Variants in RASIP1 observed in about 807,000 individuals in gnomAD.
RASIP1 encodes the protein Ras interacting protein 1, also known as ras-interacting protein 1.
A neutral mutation model predicts 85.3 loss-of-function variants in RASIP1; 20 were observed. That is an observed-to-expected ratio of 0.23 (90% CI 0.17 to 0.34). The LOEUF is 0.34. Ranked by LOEUF, RASIP1 falls within the 10% of genes least tolerant of loss-of-function variation. RASIP1 has a pLI of 1.00. For missense variants in RASIP1, 1,170 were observed against 1,390.9 expected, an observed-to-expected ratio of 0.84 and a Z score of 2.53; for synonymous variants, 617 against 647.1, an observed-to-expected ratio of 0.95 and a Z score of 0.71.
In RASIP1 at chr19:48,739,536, C is replaced by G; in HGVS notation, c.247G>C (p.Gly83Arg). 6.6e-7 allele frequency: 1 copy of G among 1,515,914 alleles called. No homozygotes were observed. Among genetic ancestry groups the G allele is most frequent in the South Asian group, 1.2e-5 (1 of 82,044 alleles). 93.9% of individuals were successfully genotyped at this position (1,515,914 alleles called of 1,614,324 possible). The change falls in exon 3 of 12, where the codon GGT becomes CGT. Residue 83 changes from glycine to arginine, a missense_variant. Coordinates refer to ENST00000222145, the MANE Select transcript of RASIP1 (RefSeq NM_017805.3). This position sits in a 1 kb window ranked among gnomAD's most constrained non-coding sequence, Gnocchi z 9.2. ...GAVKAAGGAS[G>R]SRAKRISQLF... ...TGGGAGATGCGCTTGGCGCGGCTAC[C>G]GGAGGCTCCCCCGGCCGCCTTGACA...
intron 4 of RASIP1, among the ~76,000 whole-genome samples, chr19:48,731,693 C>T (rs754903528): frequency 1.3e-5 from 2 of 152,242 alleles, no homozygotes; most frequent in Non-Finnish European, 2.9e-5. Context: ...CCCCCTTCTA[C>T]ACTAAATTCT....
intron 8 of RASIP1, among the ~76,000 whole-genome samples, chr19:48,726,354 A>G (rs976055184): frequency 6.6e-6 from 1 of 152,014 alleles, no homozygotes; most frequent in Non-Finnish European, 1.5e-5. Flanking sequence ...AGCCTCTCCA[A>G]TAGCTGGGAT....
chr19:48,739,036 C>G lies in RASIP1; in HGVS notation c.747G>C (p.Ala249=), dbSNP rs1267818363. 1.6e-6 allele frequency: 2 copies of G among 1,247,954 alleles called. No individual in the cohort carries two copies. Among genetic ancestry groups the G allele is most frequent in the African/African-American group, 3.1e-5 (2 of 63,616 alleles). 77.3% of individuals were successfully genotyped at this position (1,247,954 alleles called of 1,614,324 possible). A position where few individuals can be genotyped will look rare whatever the true frequency, so the allele number is the denominator to read the frequency against. The change falls in exon 3 of 12, where the codon GCG becomes GCC. Residue 249 remains alanine, a synonymous_variant. Transcript: ENST00000222145. The surrounding 1 kb of genome is among the most constrained non-coding windows in gnomAD (Gnocchi z 9.2). ...QELWRARPGW[A]RRFELRGREE... is the part of the protein sequence containing the mutation. ...CGCGGCCGCGCAACTCGAAGCGCCGCGCCCAGCCGGGCCGCGCCCGCCACA... is the reference window on the plus strand; with the variant it reads ...CGCGGCCGCGCAACTCGAAGCGCCGGGCCCAGCCGGGCCGCGCCCGCCACA...
intron 4 of RASIP1, among the ~76,000 whole-genome samples, chr19:48,732,545 C>T (rs1428152243): frequency 1.3e-5 from 2 of 152,044 alleles, no homozygotes; most frequent in African/African-American, 4.8e-5. Context: ...TGAGCCACCG[C>T]GCCCAGCCTG....
At position 48,739,550 on chromosome 19, in the gene RASIP1, G is replaced by A; in HGVS notation, c.233C>T (p.Ala78Val). 4 of 1,514,716 alleles carry A rather than the reference G, an allele frequency of 2.6e-6. No homozygotes were observed. The highest frequency in any genetic ancestry group is 3.5e-6 in the Non-Finnish European group (4 of 1,136,032). The allele number at this position is 1,514,716 out of a possible 1,614,324, so 93.8% of individuals were successfully genotyped here. The stretch of plus-strand genomic sequence containing the variant: ...GGCGCGGCTACCGGAGGCTCCCCCG[G>A]CCGCCTTGACAGCGCCCACTCGCCG... ...ELRRVGAVKA[A>V]GGASGSRAKR... The change falls in exon 3 of 12, where the codon GCC becomes GTC. Residue 78 changes from alanine (A) to valine (V), a missense_variant. Coordinates refer to ENST00000222145, the MANE Select transcript of RASIP1 (RefSeq NM_017805.3). This position sits in a 1 kb window ranked among gnomAD's most constrained non-coding sequence, Gnocchi z 9.2.
intron 3 of RASIP1, among the ~76,000 whole-genome samples, chr19:48,737,125 C>T (rs1024656970): frequency 6.6e-5 from 10 of 152,126 alleles, no homozygotes; most frequent in African/African-American, 2.2e-4. Context: ...GAGGGGGTGG[C>T]GGAGACAATG....
intron 4 of RASIP1, 50 bp downstream of exon 4, chr19:48,735,146 A>C: frequency 6.7e-7 from 1 of 1,496,344 alleles, no homozygotes; most frequent in Non-Finnish European, 9.0e-7. Flanking sequence ...CTCACCCACC[A>C]ACAGATGGGG....
intron 10 of RASIP1, among the ~76,000 whole-genome samples, chr19:48,723,453 A>G (rs1189395250): frequency 6.6e-6 from 1 of 151,026 alleles, no homozygotes; most frequent in East Asian, 2.0e-4. Context: ...CCGGCTACTC[A>G]GGAGGCTGTG....
chr19:48,732,057 T>C (rs1050388159), intron 4 of RASIP1, among the ~76,000 whole-genome samples: 8 of 145,426 alleles, frequency 5.5e-5, no homozygotes, highest in African/African-American at 1.7e-4. Flanking sequence ...CCTTTTTTTT[T>C]TAATCTCTTT....
chr19:48,739,156 G>C lies in RASIP1; in HGVS notation c.627C>G (p.Gly209=). 1 of 1,442,924 alleles carries C rather than the reference G, an allele frequency of 6.9e-7. No individual in the cohort carries two copies. Among genetic ancestry groups the C allele is most frequent in the South Asian group, 1.4e-5 (1 of 73,630 alleles). 89.4% of individuals were successfully genotyped at this position (1,442,924 alleles called of 1,614,324 possible). A position where few individuals can be genotyped will look rare whatever the true frequency, so the allele number is the denominator to read the frequency against. ...TTCCCACGCCCGCCGCCGCGGGCCG[G>C]CCCAGAGCGTCGCACAAAGCGAAGG... The part of the protein sequence containing the change: ...VDAFALCDAL[G]RPAAAGVGSG... The change falls in exon 3 of 12, where the codon GGC becomes GGG. Residue 209 remains glycine, a synonymous_variant. Transcript: ENST00000222145. This position sits in a 1 kb window ranked among gnomAD's most constrained non-coding sequence, Gnocchi z 9.2.
Position 48,735,439 on chromosome 19 carries a change from A to G in RASIP1, c.936T>C (p.Ser312=). 6.2e-7 allele frequency: 1 copy of G among 1,604,070 alleles called. No individual in the cohort carries two copies. The highest frequency in any genetic ancestry group is 8.5e-7 in the Non-Finnish European group (1 of 1,175,808). Residue 312 remains serine, a synonymous_variant, in exon 4 of 12, where the codon TCT becomes TCC. Coordinates refer to ENST00000222145, the MANE Select transcript of RASIP1 (RefSeq NM_017805.3). ...AGTTTTCTGAGCGCTCCTTGCCTCC[A>G]GACCCAGCTGGGGCCCCTGATCCGG... is the stretch of plus-strand genomic sequence containing the variant. ...PGTGSGAPAG[S]GGKERSENLS...
intron 11 of RASIP1, 47 bp downstream of exon 11, chr19:48,721,802 CAAAAG>C: frequency 1.3e-6 from 2 of 1,544,062 alleles, no homozygotes; most frequent in Non-Finnish European, 1.7e-6. Flanking sequence ...GACTCCGTCT[CAAAAG>C]AAGAAGAAAG....
rs1212754046 is a variant in RASIP1 at position 48,735,368 on chromosome 19, C to T, written c.1007G>A (p.Arg336Gln). 6.2e-7 allele frequency: 1 copy of T among 1,613,186 alleles called. No individual in the cohort carries two copies. The highest frequency in any genetic ancestry group is 8.5e-7 in the Non-Finnish European group (1 of 1,179,850). ...CTGTCTCCGCTCCTGCTGCCGCCGC[C>T]GCCGCCCCTGAAGGCTAAGCTCCGA... ...SVSELSLQGRRRRQQERRQQA... is the reference protein window; with the variant it reads ...SVSELSLQGRQRRQQERRQQA... The change falls in exon 4 of 12, where the codon CGG becomes CAG. Residue 336 changes from arginine to glutamine, a missense_variant. By Grantham distance (43) the Arg-to-Gln change is conservative. Transcript: ENST00000222145.
At chr19:48,732,911 C>A (rs984642266) in intron 4 of RASIP1, among the ~76,000 whole-genome samples, 5 of 152,130 alleles carry the variant, frequency 3.3e-5, no homozygotes, top group Non-Finnish European at 5.9e-5. Context: ...TTTTGTTTTT[C>A]ATTTTTTATA....
chr19:48,721,368 A>G (rs773664554), intron 11 of RASIP1, among the ~76,000 whole-genome samples: 7 of 152,040 alleles, frequency 4.6e-5, no homozygotes, highest in African/African-American at 1.7e-4. Context: ...TGCGAACCCC[A>G]GAGAATAAAG....
At chr19:48,736,454 T>C (rs2033575048) in intron 3 of RASIP1, among the ~76,000 whole-genome samples, 1 of 152,098 alleles carries the variant, frequency 6.6e-6, no homozygotes, top group Non-Finnish European at 1.5e-5. Flanking sequence ...ACTACATGCT[T>C]AGAACTGTTC....
At chr19:48,731,091 G>A (rs1203560466) in intron 4 of RASIP1, among the ~76,000 whole-genome samples, 2 of 151,918 alleles carry the variant, frequency 1.3e-5, no homozygotes, top group Non-Finnish European at 2.9e-5. Flanking sequence ...CCTGACCAAC[G>A]TGGAGAAACC....
intron 3 of RASIP1, among the ~76,000 whole-genome samples, chr19:48,737,294 C>G (rs189178144): frequency 4.7e-4 from 71 of 152,252 alleles, no homozygotes; most frequent in Admixed American, 7.9e-4. Context: ...CAGTTCAAAG[C>G]CCATCAGTTG....
intron 4 of RASIP1, among the ~76,000 whole-genome samples, chr19:48,732,948 G>A (rs1162709217): frequency 6.6e-6 from 1 of 152,182 alleles, no homozygotes; most frequent in Non-Finnish European, 1.5e-5. Flanking sequence ...ATTGGTCCCA[G>A]CTGTACTTGT....
Sources: allele counts gnomAD v4.1 joint callset (sites outside exome capture counted in the v4.1 genomes callset), GRCh38; gene constraint gnomAD v4.1.1; non-coding constraint Gnocchi (gnomAD v3.1); transcripts MANE v1.5; gene names NCBI Gene and HGNC (gene_info 2026-07-23, HGNC 2026-07-21).